Variants in ATXN10 observed in about 807,000 individuals in gnomAD.
The protein encoded by ATXN10 is ataxin 10, also known as ataxin-10.
Under a neutral mutation model 52.9 loss-of-function variants are expected in ATXN10, and 28 were observed. The observed-to-expected ratio is 0.53, with a 90% CI of 0.39 to 0.73. The LOEUF (loss-of-function observed/expected upper bound fraction) is 0.73. ATXN10 is among the 30% of genes least tolerant of loss of function. The pLI, the probability that ATXN10 is intolerant of heterozygous loss-of-function variation, is 0.00. For synonymous variants in ATXN10, 226 were observed against 221.5 expected, an observed-to-expected ratio of 1.02 and a Z score of -0.18; for missense variants, 565 against 577.0, an observed-to-expected ratio of 0.98 and a Z score of 0.21.
At chr22:45,734,697 GGAGT>G (rs1925222533) in intron 7 of ATXN10, among the ~76,000 whole-genome samples, 2 of 151,220 alleles carry the variant, frequency 1.3e-5, no homozygotes, top group Admixed American at 6.6e-5. Flanking sequence ...TTTTGAGTAA[GGAGT>G]GAGTTATGGA....
chr22:45,822,007 C>T (rs1023539174), intron 10 of ATXN10, among the ~76,000 whole-genome samples: 4 of 152,326 alleles, frequency 2.6e-5, no homozygotes, highest in Admixed American at 1.3e-4. Flanking sequence ...CCTGCTCTTC[C>T]CCATCATCAG....
Position 45,807,021 on chromosome 22 carries a change from C to G in ATXN10, c.1236C>G (p.Pro412=). The G allele has an allele frequency of 6.2e-7, 1 of 1,613,548 alleles. No individual in the cohort carries two copies. The highest frequency in any genetic ancestry group is 8.5e-7 in the Non-Finnish European group (1 of 1,179,468). Residue 412 remains proline, a splice_region_variant and synonymous_variant, in exon 10 of 12, where the codon CCC becomes CCG. Coordinates refer to ENST00000252934, the MANE Select transcript of ATXN10 (RefSeq NM_013236.4). ...LDNCNISDSN[P]FLTQWVIYAI... ...ACTGCAACATCAGTGACAGTAACCCCTGTATCCTTGCATGTGAATTACCAT... is the reference window on the plus strand; with the variant it reads ...ACTGCAACATCAGTGACAGTAACCCGTGTATCCTTGCATGTGAATTACCAT...
At chr22:45,720,058 C>T (rs914621263) in intron 6 of ATXN10, among the ~76,000 whole-genome samples, 3 of 152,122 alleles carry the variant, frequency 2.0e-5, no homozygotes, top group African/African-American at 7.2e-5. Flanking sequence ...ATAAAGTGTT[C>T]CTCTAGTATA....
rs1927480238 is a variant in ATXN10, at chr22:45,790,757, TGTAA to T, written c.1174-16199_1174-16196del. Among the ~76,000 whole-genome samples, 1 of 152,242 alleles carries T rather than the reference TGTAA, an allele frequency of 6.6e-6. No individual in the cohort carries two copies. The highest frequency in any genetic ancestry group is 1.5e-5 in the Non-Finnish European group (1 of 68,044). ...ACATCTACTCTTTTCTACACTTCAC[TGTAA>T]GTGTGTTAGAACACAGTGCGTTTTC... On this transcript the variant is annotated intron_variant, in intron 9 of 11. Coordinates refer to ENST00000252934, the MANE Select transcript of ATXN10 (RefSeq NM_013236.4). The surrounding 1 kb of genome is among the most constrained non-coding windows in gnomAD (Gnocchi z 4.7).
At position 45,754,050 on chromosome 22, in the gene ATXN10, T is replaced by C. The variant is rs916874101; in HGVS notation, c.1173+13512T>C. Among the ~76,000 whole-genome samples the C allele has an allele frequency of 5.3e-5, 8 of 152,226 alleles. No homozygotes were observed. Among genetic ancestry groups the C allele is most frequent in the African/African-American group, 1.7e-4 (7 of 41,466 alleles). ...TGTCTGCCTCTCTGGGTTTTATTTC[T>C]GGCCTCTGAGAATGATGCTCACACT... On this transcript the variant is annotated intron_variant, in intron 9 of 11. Coordinates refer to ENST00000252934, the MANE Select transcript of ATXN10 (RefSeq NM_013236.4). The surrounding 1 kb of genome is among the most constrained non-coding windows in gnomAD (Gnocchi z 5.4).
chr22:45,839,256 T>C (rs1929267818), intron 10 of ATXN10, among the ~76,000 whole-genome samples: 1 of 152,270 alleles, frequency 6.6e-6, no homozygotes, highest in African/African-American at 2.4e-5. Flanking sequence ...CTTTTTGCAC[T>C]TTGGATACTA....
In ATXN10 at chr22:45,712,735, G is replaced by A. The variant is rs758992968; in HGVS notation, c.648-5678G>A. Among the ~76,000 whole-genome samples the A allele has an allele frequency of 5.3e-5, 8 of 152,250 alleles. No individual in the cohort carries two copies. The highest frequency in any genetic ancestry group is 7.4e-5 in the Non-Finnish European group (5 of 68,018). ...ATTTTCTTCTAGTAGAGGAAGCATCGCCATTGAATCAGTGGACTGTTATTT... is the reference window on the plus strand; with the variant it reads ...ATTTTCTTCTAGTAGAGGAAGCATCACCATTGAATCAGTGGACTGTTATTT... On this transcript the variant is annotated intron_variant, in intron 5 of 11. Coordinates refer to ENST00000252934, the MANE Select transcript of ATXN10 (RefSeq NM_013236.4). This position sits in a 1 kb window ranked among gnomAD's most constrained non-coding sequence, Gnocchi z 4.6.
intron 9 of ATXN10, among the ~76,000 whole-genome samples, chr22:45,751,760 AAAAAAT>A (rs1183172409): frequency 6.3e-5 from 4 of 63,178 alleles, no homozygotes; most frequent in African/African-American, 1.2e-4. Flanking sequence ...AAAAATAAAA[AAAAAAT>A]AATAATAATA....
rs1922754290 is a variant in ATXN10, at chr22:45,677,635, C to T, written c.116+5456C>T. 6.6e-6 allele frequency: 1 copy of T among 151,886 alleles called. No individual in the cohort carries two copies. Among genetic ancestry groups the T allele is most frequent in the South Asian group, 2.1e-4 (1 of 4,808 alleles). The allele number at this position is 151,886 out of a possible 1,614,324, so 9.4% of individuals were successfully genotyped here. On this transcript the variant is annotated intron_variant, in intron 1 of 11. Coordinates refer to ENST00000252934, the MANE Select transcript of ATXN10 (RefSeq NM_013236.4). This position sits in a 1 kb window ranked among gnomAD's most constrained non-coding sequence, Gnocchi z 4.1. ...TACCTACAACTCAATAAAAAAGACTCCTACAACTCAATTTAAAAATTGGGC... is the reference window on the plus strand; with the variant it reads ...TACCTACAACTCAATAAAAAAGACTTCTACAACTCAATTTAAAAATTGGGC...
chr22:45,832,463 C>G (rs1052478899), intron 10 of ATXN10, among the ~76,000 whole-genome samples: 4 of 152,166 alleles, frequency 2.6e-5, no homozygotes, highest in African/African-American at 4.8e-5. Flanking sequence ...TTCCCTAACT[C>G]CCCTCTTTCC....
In ATXN10 at chr22:45,684,106, T is replaced by G. The variant is rs1252552733; in HGVS notation, c.117-5606T>G. ...AGCTGGGACTACGAGGCACAGACCA[T>G]CAAGCCCAGCTAATTAAAACAAGTT... On this transcript the variant is annotated intron_variant, in intron 1 of 11. Coordinates refer to ENST00000252934, the MANE Select transcript of ATXN10 (RefSeq NM_013236.4). This position sits in a 1 kb window ranked among gnomAD's most constrained non-coding sequence, Gnocchi z 4.1. Among the ~76,000 whole-genome samples, 1 of 150,906 alleles carries G rather than the reference T, an allele frequency of 6.6e-6. No individual in the cohort carries two copies. The highest frequency in any genetic ancestry group is 2.4e-5 in the African/African-American group (1 of 40,954).
intron 9 of ATXN10, among the ~76,000 whole-genome samples, chr22:45,749,513 A>G (rs570962850): frequency 2.0e-5 from 3 of 152,184 alleles, no homozygotes; most frequent in South Asian, 4.2e-4. Flanking sequence ...TTTCATTATC[A>G]TCTAATGTCT....
intron 9 of ATXN10, among the ~76,000 whole-genome samples, chr22:45,747,571 G>T (rs1332546924): frequency 6.6e-6 from 1 of 152,112 alleles, no homozygotes; most frequent in Admixed American, 6.6e-5. Flanking sequence ...TCATTGCTTG[G>T]CTTGTAACAT....
chr22:45,683,431 C>G lies in ATXN10; in HGVS notation c.117-6281C>G, dbSNP rs541641605. ...GTGGCTCTGTCTTGTCTCTCTGAGT[C>G]GCACTTCTCTTTTCTCACTGGGGTT... On this transcript the variant is annotated intron_variant, in intron 1 of 11. Coordinates refer to ENST00000252934, the MANE Select transcript of ATXN10 (RefSeq NM_013236.4). The surrounding 1 kb of genome is among the most constrained non-coding windows in gnomAD (Gnocchi z 4.8). Among the ~76,000 whole-genome samples, 1 of 152,140 alleles carries G rather than the reference C, an allele frequency of 6.6e-6. No homozygotes were observed. Among genetic ancestry groups the G allele is most frequent in the African/African-American group, 2.4e-5 (1 of 41,426 alleles).
chr22:45,735,418 A>T (rs1454558551), intron 7 of ATXN10, among the ~76,000 whole-genome samples: 1 of 151,752 alleles, frequency 6.6e-6, no homozygotes, highest in East Asian at 1.9e-4. Context: ...TACCTATATC[A>T]TATCCTAAAT....
At chr22:45,694,940 C>CAGA (rs1923536228) in intron 3 of ATXN10, among the ~76,000 whole-genome samples, 1 of 21,924 alleles carries the variant, frequency 4.6e-5, no homozygotes, top group Non-Finnish European at 1.0e-4. Flanking sequence ...GACTCTGTCT[C>CAGA]AAAAAAAAAA....
In ATXN10 at chr22:45,784,406, A is replaced by G. The variant is rs1171492251; in HGVS notation, c.1174-22553A>G. The stretch of plus-strand genomic sequence containing the variant: ...GTTTCCTTTCCCTCGCCTATTTCCC[A>G]TTTTCAAGCAGAGCTAACACAGCTT... On this transcript the variant is annotated intron_variant, in intron 9 of 11. Coordinates refer to ENST00000252934, the MANE Select transcript of ATXN10 (RefSeq NM_013236.4). This position sits in a 1 kb window ranked among gnomAD's most constrained non-coding sequence, Gnocchi z 4.2. Among the ~76,000 whole-genome samples the G allele has an allele frequency of 6.6e-6, 1 of 152,114 alleles. No individual in the cohort carries two copies. The highest frequency in any genetic ancestry group is 6.5e-5 in the Admixed American group (1 of 15,274).
intron 9 of ATXN10, among the ~76,000 whole-genome samples, chr22:45,768,078 A>G: frequency 6.6e-6 from 1 of 152,370 alleles, no homozygotes; most frequent in South Asian, 2.1e-4. Context: ...AAATAGCAGT[A>G]TGAAATCATG....
intron 5 of ATXN10, among the ~76,000 whole-genome samples, chr22:45,707,758 C>T (rs1315759982): frequency 6.6e-6 from 1 of 151,968 alleles, no homozygotes; most frequent in Admixed American, 6.6e-5. Flanking sequence ...TAAATGATCA[C>T]TTCTGCAGTC....
Sources: gnomAD v4.1 joint callset for allele counts (sites outside exome capture counted in the v4.1 genomes callset) on GRCh38, gnomAD v4.1.1 for gene constraint, Gnocchi (gnomAD v3.1) non-coding constraint, MANE v1.5 for transcripts, NCBI Gene and HGNC (gene_info 2026-07-23, HGNC 2026-07-21) for gene names.